The following CNTLN variants were observed in gnomAD, a reference collection of about 807,000 sequenced individuals.
CNTLN encodes centlein, centrosomal protein.
A neutral mutation model predicts 180.0 loss-of-function variants in CNTLN; 212 were observed. The ratio of observed to expected loss-of-function variants is 1.18; its 90% CI spans 1.05 to 1.32. The LOEUF (loss-of-function observed/expected upper bound fraction) is 1.32, where lower values mean the gene tolerates loss of function less well. Among genes scored for constraint, CNTLN ranks in the 40% most tolerant of loss-of-function variants. CNTLN has a pLI of 0.00. For missense variants in CNTLN, 2,095 were observed against 1,610.9 expected (o/e 1.30, Z -5.14); for synonymous variants, 722 against 563.1 (o/e 1.28, Z -3.99).
intron 7 of CNTLN, chr9:17,298,834 C>A: frequency 1.0e-6 from 1 of 985,858 alleles, no homozygotes; most frequent in Non-Finnish European, 1.2e-6. Flanking sequence ...TTGTGTGTTT[C>A]TGTTCAGTAG....
chr9:17,521,723 G>C, the CNTLN span, among the ~76,000 whole-genome samples: 2 of 152,112 alleles, frequency 1.3e-5, no homozygotes, highest in African/African-American at 4.8e-5. Flanking sequence ...TTCCTTTCAA[G>C]TGCTAACAGC....
At chr9:17,206,282 T>C in intron 2 of CNTLN, among the ~76,000 whole-genome samples, 1 of 152,148 alleles carries the variant, frequency 6.6e-6, no homozygotes, top group African/African-American at 2.4e-5. Context: ...ACAGCACCCT[T>C]GTTACTTAAA....
At chr9:17,360,974 T>G (rs533720645) in intron 12 of CNTLN, among the ~76,000 whole-genome samples, 73 of 152,334 alleles carry the variant, frequency 4.8e-4, no homozygotes, top group Non-Finnish European at 9.1e-4. Context: ...TTCTGTATCC[T>G]TACTTATTTC....
At chr9:17,305,181 C>T (rs1587593273) in intron 7 of CNTLN, among the ~76,000 whole-genome samples, 2 of 152,020 alleles carry the variant, frequency 1.3e-5, no homozygotes, top group Admixed American at 1.3e-4. Context: ...CTTTCTGTCC[C>T]CTGGAGATCC....
At position 17,463,025 on chromosome 9, in the gene CNTLN, G is replaced by A. The variant is rs200283866; in HGVS notation, c.3404+12G>A. ...GAAATGCATGAAAAGTATGGTTTTT[G>A]TATTTCTATCCATTGTATTTGGTGC... On this transcript the variant is annotated intron_variant, in intron 20 of 25. Coordinates refer to ENST00000380647, the MANE Select transcript of CNTLN (RefSeq NM_017738.4). 6.6e-7 allele frequency: 1 copy of A among 1,523,174 alleles called. No individual in the cohort carries two copies. Among genetic ancestry groups the A allele is most frequent in the South Asian group, 1.2e-5 (1 of 84,070 alleles). The allele number at this position is 1,523,174 out of a possible 1,614,324, so 94.4% of individuals were successfully genotyped here.
At chr9:17,321,785 T>C (rs193074824) in intron 8 of CNTLN, among the ~76,000 whole-genome samples, 10 of 152,290 alleles carry the variant, frequency 6.6e-5, no homozygotes, top group Admixed American at 5.2e-4. Context: ...GAGTTAATAA[T>C]TGGTTTGCTT....
intron 13 of CNTLN, among the ~76,000 whole-genome samples, chr9:17,373,634 A>G (rs1824512071): frequency 6.6e-6 from 1 of 152,200 alleles, no homozygotes; most frequent in Admixed American, 6.5e-5. Context: ...AAACAATCCT[A>G]AAATTTATAT....
chr9:17,341,884 G>A (rs1821504882), intron 11 of CNTLN, among the ~76,000 whole-genome samples: 1 of 152,112 alleles, frequency 6.6e-6, no homozygotes, highest in Admixed American at 6.6e-5. Flanking sequence ...CTAATCATTA[G>A]AAGAGTGAAA....
Position 17,263,145 on chromosome 9 carries a change from A to T in CNTLN, c.850-10588A>T, listed in dbSNP as rs1442237844. Among the ~76,000 whole-genome samples the T allele has an allele frequency of 2.7e-5, 4 of 149,838 alleles. No individual in the cohort carries two copies. In the East Asian group the frequency reaches 7.9e-4, roughly 30 times the overall value. On this transcript the variant is annotated intron_variant, in intron 5 of 25. Coordinates refer to ENST00000380647, the MANE Select transcript of CNTLN (RefSeq NM_017738.4). ...CCATGTTGGTGTGCTGCACCCATTAAGTCGTCATTTAGCATTAGGTATATC... is the reference window on the plus strand; with the variant it reads ...CCATGTTGGTGTGCTGCACCCATTATGTCGTCATTTAGCATTAGGTATATC...
Position 17,367,797 on chromosome 9 carries a change from A to G in CNTLN, c.1987+1080A>G, listed in dbSNP as rs1055373675. On this transcript the variant is annotated intron_variant, in intron 13 of 25. Coordinates refer to ENST00000380647, the MANE Select transcript of CNTLN (RefSeq NM_017738.4). The stretch of plus-strand genomic sequence containing the variant: ...CAAGGATGCAGTCCCGGCAGGATCT[A>G]TCACCTACTGACTGAAGAGCCCTTG... Among the ~76,000 whole-genome samples the G allele has an allele frequency of 2.0e-4, 30 of 152,196 alleles. 1 individual carries two copies. The highest frequency in any genetic ancestry group is 7.2e-4 in the African/African-American group (30 of 41,554).
At chr9:17,383,682 G>C (rs1825445173) in intron 13 of CNTLN, among the ~76,000 whole-genome samples, 5 of 151,484 alleles carry the variant, frequency 3.3e-5, no homozygotes, top group Admixed American at 2.6e-4. Context: ...CTGTCACCCA[G>C]GCTGGAGTGC....
chr9:17,464,689 A>AGG, intron 21 of CNTLN, 66 bp downstream of exon 21: 1 of 1,016,274 alleles, frequency 9.8e-7, no homozygotes, highest in Non-Finnish European at 1.4e-6. Flanking sequence ...CTCTTACCAC[A>AGG]AACATTTAAT....
At chr9:17,386,456 A>G (rs901636475) in intron 13 of CNTLN, among the ~76,000 whole-genome samples, 21 of 152,238 alleles carry the variant, frequency 1.4e-4, no homozygotes, top group African/African-American at 4.8e-5. Flanking sequence ...ATATGCTCAC[A>G]TCTACCATAG....
intron 25 of CNTLN, among the ~76,000 whole-genome samples, chr9:17,490,612 A>T (rs1833112399): frequency 6.6e-6 from 1 of 152,084 alleles, no homozygotes; most frequent in South Asian, 2.1e-4. Context: ...TACGGATAGA[A>T]TTTCTCTGAG....
chr9:17,494,807 T>G (rs1230062394), intron 25 of CNTLN: 1 of 369,574 alleles, frequency 2.7e-6, no homozygotes, highest in African/African-American at 2.1e-5. Context: ...TATACAATTA[T>G]GTACTGCACA....
intron 9 of CNTLN, among the ~76,000 whole-genome samples, 157 bp from the exon 10 acceptor site, chr9:17,332,448 G>A (rs1413521369): frequency 1.3e-5 from 2 of 151,380 alleles, no homozygotes; most frequent in African/African-American, 2.4e-5. Context: ...TAGCACTGTG[G>A]TAATTCCGCT....
chr9:17,343,349 G>C (rs1821630719), intron 12 of CNTLN, among the ~76,000 whole-genome samples: 1 of 152,144 alleles, frequency 6.6e-6, no homozygotes, highest in Admixed American at 6.6e-5. Context: ...CAGATTGCTA[G>C]AATATAGCCT....
At position 17,273,816 on chromosome 9, in the gene CNTLN, TAA is replaced by T. The variant is rs780764798; in HGVS notation, c.934_935del (p.Asn312Ter). ...KYNALSLQLS[N>X]KQTELIQKDM... ...ACAATGCTCTATCATTACAGTTGAG[TAA>T]TAAACAGACTGAACTTATCCAGAAG... On this transcript the variant is annotated frameshift_variant, in exon 6 of 26. Coordinates refer to ENST00000380647, the MANE Select transcript of CNTLN (RefSeq NM_017738.4). LOFTEE classifies it high-confidence loss of function. 3 of 1,575,454 alleles carry T rather than the reference TAA, an allele frequency of 1.9e-6. No individual in the cohort carries two copies. Among genetic ancestry groups the T allele is most frequent in the Non-Finnish European group, 2.6e-6 (3 of 1,164,408 alleles).
intron 8 of CNTLN, among the ~76,000 whole-genome samples, chr9:17,311,799 C>G (rs1819156588): frequency 1.3e-5 from 2 of 151,654 alleles, no homozygotes; most frequent in South Asian, 2.1e-4. Context: ...CAGAGAGACT[C>G]CATATCAAGA....
Sources: gnomAD v4.1 joint callset for allele counts (sites outside exome capture counted in the v4.1 genomes callset) on GRCh38, gnomAD v4.1.1 for gene constraint, MANE v1.5 for transcripts, NCBI Gene and HGNC (gene_info 2026-07-23, HGNC 2026-07-21) for gene names.